The following ZFYVE16 variants were observed in gnomAD, a reference collection of about 807,000 sequenced individuals.
The protein encoded by ZFYVE16 is zinc finger FYVE-type containing 16.
Under a neutral mutation model 138.1 loss-of-function variants are expected in ZFYVE16, and 89 were observed. The ratio of observed to expected loss-of-function variants is 0.64; its 90% CI spans 0.54 to 0.77. The LOEUF (loss-of-function observed/expected upper bound fraction) is 0.77. Among genes scored for constraint, ZFYVE16 ranks in the 30% least tolerant of loss-of-function variants. The pLI is 0.00. For synonymous variants in ZFYVE16, 596 were observed against 618.3 expected, an observed-to-expected ratio of 0.96 and a Z score of 0.53; for missense variants, 1,793 against 1,786.7, an observed-to-expected ratio of 1.00 and a Z score of -0.06.
In ZFYVE16 at chr5:80,472,884, A is replaced by C; in HGVS notation, c.4148A>C (p.Asp1383Ala). 1.2e-6 allele frequency: 2 copies of C among 1,613,796 alleles called. No homozygotes were observed. Among genetic ancestry groups the C allele is most frequent in the Non-Finnish European group, 1.7e-6 (2 of 1,179,828 alleles). ...VDAVDLREYV[D>A]ICWVDAEEKG... ...GCAGTAGACCTGAGAGAATACGTGG[A>C]TATCTGCTGGGTAGATGCTGAAGAA... The change falls in exon 16 of 19, where the codon GAT (aspartate) becomes GCT (alanine). Residue 1383 changes from aspartate (D) to alanine (A), a missense_variant. Transcript: ENST00000505560.
At position 80,408,151 on chromosome 5, in the gene ZFYVE16, G is replaced by A. The variant is rs1289686975; in HGVS notation, c.-96G>A. On this transcript the variant is annotated splice_region_variant and 5_prime_UTR_variant, in exon 1 of 19. Transcript: ENST00000505560. ...CAAAAAGCTCCGCAGGGGCTGTAGG[G>A]AGGTAAGAGCCCCCCGTGACCGGTC... 2.0e-5 allele frequency: 3 copies of A among 152,340 alleles called. No homozygotes were observed. Among genetic ancestry groups the A allele is most frequent in the Non-Finnish European group, 4.4e-5 (3 of 68,124 alleles). The allele number at this position is 152,340 out of a possible 1,614,324, so 9.4% of individuals were successfully genotyped here.
In ZFYVE16 at chr5:80,445,300, A is replaced by G. The variant is rs139788367; in HGVS notation, c.2619A>G (p.Ala873=). The G allele has an allele frequency of 4.3e-6, 7 of 1,613,850 alleles. No homozygotes were observed. The African/African-American group carries it at 9.3e-5, about 22-fold the overall frequency. The part of the protein sequence containing the change: ...CSKEQKRVWF[A]DGILPNGEVA... Reference sequence around the variant, plus strand: ...AAGAACAGAAGAGAGTATGGTTTGCAGATGGTATATTGCCCAATGGTGAAG... The same window carrying G: ...AAGAACAGAAGAGAGTATGGTTTGCGGATGGTATATTGCCCAATGGTGAAG... The change falls in exon 7 of 19, where the codon GCA becomes GCG. Residue 873 remains alanine, a synonymous_variant. Coordinates refer to ENST00000505560, the MANE Select transcript of ZFYVE16 (RefSeq NM_001284236.3).
chr5:80,482,451 T>C lies in ZFYVE16; in HGVS notation c.*5074T>C, dbSNP rs1044161459. ...TATGAAACAGTCTAATATTCATGTC[T>C]TAGGAGCCCAGAAAGAACAATTGGA... On this transcript the variant is annotated 3_prime_UTR_variant, in exon 19 of 19. Transcript: ENST00000505560. 2.0e-5 allele frequency: 3 copies of C among 152,190 alleles called. No individual in the cohort carries two copies. The highest frequency in any genetic ancestry group is 7.2e-5 in the African/African-American group (3 of 41,450). 9.4% of individuals were successfully genotyped at this position (152,190 alleles called of 1,614,324 possible).
At chr5:80,460,120 A>T in intron 15 of ZFYVE16, among the ~76,000 whole-genome samples, 1 of 152,180 alleles carries the variant, frequency 6.6e-6, no homozygotes, top group Middle Eastern at 3.2e-3. Flanking sequence ...AATATATAAA[A>T]TTTATGATTG....
intron 5 of ZFYVE16, chr5:80,441,325 G>T (rs1750687401): frequency 1.7e-5 from 17 of 985,414 alleles, no homozygotes; most frequent in Non-Finnish European, 2.0e-5. Flanking sequence ...GATCATTAAA[G>T]AAATTCAGTA....
At chr5:80,410,150 C>T (rs1427352230) in intron 1 of ZFYVE16, 3 of 152,120 alleles carry the variant, frequency 2.0e-5, no homozygotes, top group Non-Finnish European at 2.9e-5. Flanking sequence ...AAAAACCAGA[C>T]AACTGCCAGA....
In ZFYVE16 at chr5:80,436,843, C is replaced by CT. The variant is rs768277589; in HGVS notation, c.160dup (p.Ser54PhefsTer11). ...TCAGAGTTGGCTTCCTCACAGCGAA[C>CT]TTCATTGCTCCCAAAAGACCAAGAG... On this transcript the variant is annotated frameshift_variant, in exon 4 of 19. Transcript: ENST00000505560. LOFTEE classifies it high-confidence loss of function. The CT allele has an allele frequency of 6.2e-7, 1 of 1,614,158 alleles. No homozygotes were observed. The highest frequency in any genetic ancestry group is 1.1e-5 in the South Asian group (1 of 91,078).
chr5:80,463,074 G>C (rs1753303479), intron 15 of ZFYVE16, among the ~76,000 whole-genome samples: 1 of 152,224 alleles, frequency 6.6e-6, no homozygotes, highest in South Asian at 2.1e-4. Flanking sequence ...AGTGCAAGCT[G>C]TTGGTGGATC....
chr5:80,469,091 T>C (rs1480137436), intron 15 of ZFYVE16, among the ~76,000 whole-genome samples: 1 of 149,298 alleles, frequency 6.7e-6, no homozygotes, highest in Non-Finnish European at 1.5e-5. Context: ...CTTTTCTTTC[T>C]CTCTTTTTTT....
At chr5:80,435,090 A>C (rs1253498767) in intron 3 of ZFYVE16, among the ~76,000 whole-genome samples, 1 of 152,114 alleles carries the variant, frequency 6.6e-6, no homozygotes, top group East Asian at 1.9e-4. Context: ...GCTGGAGTGC[A>C]GTGGCATGAT....
intron 1 of ZFYVE16, among the ~76,000 whole-genome samples, chr5:80,420,845 G>A (rs1168879803): frequency 6.6e-6 from 1 of 152,210 alleles, no homozygotes; most frequent in African/African-American, 2.4e-5. Flanking sequence ...GGTATTTCTA[G>A]TTCTAGATCC....
chr5:80,456,653 T>C (rs1189850727), intron 13 of ZFYVE16, 88 bp downstream of exon 13: 1 of 1,128,462 alleles, frequency 8.9e-7, no homozygotes, highest in African/African-American at 1.6e-5. Flanking sequence ...TGTTTTGAAT[T>C]AGACTATCTA....
chr5:80,465,569 C>T (rs575470875), intron 15 of ZFYVE16, among the ~76,000 whole-genome samples: 9 of 151,678 alleles, frequency 5.9e-5, no homozygotes, highest in African/African-American at 2.2e-4. Flanking sequence ...CCAGGTTTGG[C>T]TAATTTTTTT....
At chr5:80,448,537 C>T in intron 8 of ZFYVE16, 133 bp downstream of exon 8, 3 of 843,582 alleles carry the variant, frequency 3.6e-6, no homozygotes, top group Non-Finnish European at 3.2e-6. Flanking sequence ...CTTTTGTTTA[C>T]AGAAAGTCTT....
chr5:80,470,699 T>A (rs1012009370), intron 15 of ZFYVE16, among the ~76,000 whole-genome samples: 5 of 151,840 alleles, frequency 3.3e-5, no homozygotes, highest in African/African-American at 1.2e-4. Context: ...TTTGTAGAGA[T>A]GAGGTTTCAC....
At chr5:80,420,420 T>G (rs1039972297) in intron 1 of ZFYVE16, among the ~76,000 whole-genome samples, 5 of 152,170 alleles carry the variant, frequency 3.3e-5, no homozygotes, top group African/African-American at 9.7e-5. Flanking sequence ...ACATTAGGTA[T>G]ATCTCCTAAT....
At chr5:80,422,468 T>A (rs2112230273) in intron 1 of ZFYVE16, among the ~76,000 whole-genome samples, 1 of 152,334 alleles carries the variant, frequency 6.6e-6, no homozygotes, top group Non-Finnish European at 1.5e-5. Context: ...GTTTTGTTTT[T>A]GAGACAGAGT....
At chr5:80,442,896 A>G (rs1212825033) in intron 5 of ZFYVE16, among the ~76,000 whole-genome samples, 1 of 152,240 alleles carries the variant, frequency 6.6e-6, no homozygotes, top group East Asian at 1.9e-4. Context: ...CACCAGATAT[A>G]ATATTGAAAT....
chr5:80,430,503 A>T (rs1448256851), intron 2 of ZFYVE16, among the ~76,000 whole-genome samples: 1 of 152,002 alleles, frequency 6.6e-6, no homozygotes, highest in African/African-American at 2.4e-5. Flanking sequence ...TCTAAAATTG[A>T]CACCCTAACA....
Sources: gnomAD v4.1 joint callset for allele counts (sites outside exome capture counted in the v4.1 genomes callset) on GRCh38, gnomAD v4.1.1 for gene constraint, MANE v1.5 for transcripts, NCBI Gene and HGNC (gene_info 2026-07-23, HGNC 2026-07-21) for gene names.